The following MAP4K5 variants were observed in gnomAD, a reference collection of about 807,000 sequenced individuals.
The protein encoded by MAP4K5 is MAPK/ERK kinase kinase kinase 5.
MAP4K5 carries 82 observed loss-of-function variants against 135.6 expected under a neutral mutation model. That is an observed-to-expected ratio of 0.60 (90% CI 0.51 to 0.73). The LOEUF is 0.73. Ranked by LOEUF, MAP4K5 falls within the 30% of genes least tolerant of loss-of-function variation. MAP4K5 has a pLI of 0.00. For missense variants in MAP4K5, 907 were observed against 1,010.9 expected, an observed-to-expected ratio of 0.90 and a Z score of 1.39; for synonymous variants, 347 against 335.0, an observed-to-expected ratio of 1.04 and a Z score of -0.39.
chr14:50,468,234 A>C (rs2139836614), intron 10 of MAP4K5, among the ~76,000 whole-genome samples: 1 of 152,324 alleles, frequency 6.6e-6, no homozygotes, highest in Non-Finnish European at 1.5e-5. Context: ...CAATTGATAA[A>C]AGAATGAACA....
chr14:50,521,765 T>C (rs1191179561), intron 2 of MAP4K5, among the ~76,000 whole-genome samples: 2 of 152,222 alleles, frequency 1.3e-5, no homozygotes, highest in African/African-American at 4.8e-5. Context: ...CATGAGAGAT[T>C]ATATTTAACA....
chr14:50,428,674 T>C lies in MAP4K5; in HGVS notation c.2314A>G (p.Ile772Val), dbSNP rs1443527421. ...AAAGGAAACTTACCTACAGATTCAA[T>C]GCGAAAATCAAAACTTAACTCAGAG... ...LASELSFDFR[I>V]ESVVCLQDSV... is the part of the protein sequence containing the mutation. The change falls in exon 30 of 33, where the codon ATT becomes GTT. Residue 772 changes from isoleucine to valine, a missense_variant. By Grantham distance (29) the Ile-to-Val change is conservative. This residue lies in a region of MAP4K5 where 690 missense variants were observed against 777.4 expected (regional missense o/e 0.89). Transcript: ENST00000682126. 1.3e-6 allele frequency: 2 copies of C among 1,511,564 alleles called. No individual in the cohort carries two copies. The highest frequency in any genetic ancestry group is 1.8e-6 in the Non-Finnish European group (2 of 1,130,134). 93.6% of individuals were successfully genotyped at this position (1,511,564 alleles called of 1,614,324 possible).
chr14:50,449,425 A>G (rs2036433348), intron 14 of MAP4K5: 1 of 152,174 alleles, frequency 6.6e-6, no homozygotes, highest in Admixed American at 6.5e-5. Context: ...TTCCTCATAA[A>G]GTATTTAAAA....
At chr14:50,488,429 A>ATGTGCACAGAAGCCTTATATC (rs1350370946) in intron 3 of MAP4K5, among the ~76,000 whole-genome samples, 5 of 152,184 alleles carry the variant, frequency 3.3e-5, no homozygotes, top group African/African-American at 1.2e-4. Context: ...TCACTTTTAA[A>ATGTGCACAGAAGCCTTATATC]TGTGCACAGA....
At chr14:50,515,596 A>C (rs2140066853) in intron 2 of MAP4K5, among the ~76,000 whole-genome samples, 1 of 152,300 alleles carries the variant, frequency 6.6e-6, no homozygotes, top group East Asian at 1.9e-4. Context: ...AATAGCTAAC[A>C]GTTACTAGAA....
At chr14:50,504,709 G>T in intron 3 of MAP4K5, 91 bp downstream of exon 3, 1 of 905,132 alleles carries the variant, frequency 1.1e-6, no homozygotes, top group Non-Finnish European at 1.7e-6. Flanking sequence ...TGACCTGATA[G>T]AACATATAAA....
intron 13 of MAP4K5, among the ~76,000 whole-genome samples, chr14:50,458,208 A>G (rs114070754): frequency 0.015 from 2,334 of 152,192 alleles, 51 homozygotes; most frequent in African/African-American, 0.053. Flanking sequence ...CACCAGCTAC[A>G]CTGCATTATC....
intron 6 of MAP4K5, among the ~76,000 whole-genome samples, chr14:50,478,805 A>AT (rs2037166165): frequency 6.6e-6 from 1 of 151,938 alleles, no homozygotes; most frequent in East Asian, 1.9e-4. Context: ...TTTGAAAGAG[A>AT]TTTTCTCTAG....
chr14:50,442,862 T>C, intron 20 of MAP4K5, 46 bp from the exon 21 acceptor site: 2 of 1,114,162 alleles, frequency 1.8e-6, no homozygotes, highest in Non-Finnish European at 2.6e-6. Context: ...TTAGAAAATT[T>C]TATATATTCT....
At chr14:50,547,894 A>G (rs2038653745) in intron 1 of MAP4K5, among the ~76,000 whole-genome samples, 2 of 152,206 alleles carry the variant, frequency 1.3e-5, no homozygotes, top group African/African-American at 4.8e-5. Context: ...TACCAAAAGG[A>G]TACCTGCACA....
chr14:50,558,352 G>C (rs1438260600), intron 1 of MAP4K5, among the ~76,000 whole-genome samples: 2 of 152,206 alleles, frequency 1.3e-5, no homozygotes, highest in African/African-American at 4.8e-5. Context: ...GAGGGAGACT[G>C]TGTCTGGAAA....
intron 3 of MAP4K5, among the ~76,000 whole-genome samples, chr14:50,493,232 T>A (rs1046594702): frequency 1.3e-5 from 2 of 152,146 alleles, no homozygotes; most frequent in African/African-American, 4.8e-5. Flanking sequence ...CCCAGGTAGC[T>A]GGGACTACAG....
intron 9 of MAP4K5, 76 bp downstream of exon 9, chr14:50,475,001 T>G: frequency 8.3e-7 from 1 of 1,198,742 alleles, no homozygotes; most frequent in South Asian, 1.2e-5. Flanking sequence ...ATTACTTCTA[T>G]TACCAAGTAT....
At chr14:50,555,244 A>G (rs372822293) in intron 1 of MAP4K5, among the ~76,000 whole-genome samples, 7 of 148,410 alleles carry the variant, frequency 4.7e-5, no homozygotes, top group African/African-American at 1.7e-4. Flanking sequence ...GAAGGCATGA[A>G]GAACTTTAGT....
At chr14:50,545,849 C>G (rs1435527287) in intron 1 of MAP4K5, among the ~76,000 whole-genome samples, 1 of 152,198 alleles carries the variant, frequency 6.6e-6, no homozygotes, top group Non-Finnish European at 1.5e-5. Context: ...TATTATGACT[C>G]ATCCTTGTGC....
At chr14:50,481,349 T>C (rs1255969639) in intron 6 of MAP4K5, among the ~76,000 whole-genome samples, 1 of 151,146 alleles carries the variant, frequency 6.6e-6, no homozygotes, top group Non-Finnish European at 1.5e-5. Context: ...TATCTCTCAG[T>C]AAGATTTGGC....
chr14:50,439,995 T>A lies in MAP4K5; in HGVS notation c.1705+18A>T. ...TCTCTGCTTATCTATGGTTTATTTT[T>A]CATCATCACATACATACCTGATAAT... On this transcript the variant is annotated intron_variant, in intron 23 of 32. Transcript: ENST00000682126. 6.7e-7 allele frequency: 1 copy of A among 1,498,324 alleles called. No individual in the cohort carries two copies. The allele number at this position is 1,498,324 out of a possible 1,614,324, so 92.8% of individuals were successfully genotyped here.
At chr14:50,453,693 C>T (rs540181848) in intron 14 of MAP4K5, among the ~76,000 whole-genome samples, 3 of 152,246 alleles carry the variant, frequency 2.0e-5, no homozygotes, top group Admixed American at 6.5e-5. Context: ...AACATACTCC[C>T]GGGTTTACTT....
At chr14:50,460,009 T>A (rs1381141755) in intron 13 of MAP4K5, among the ~76,000 whole-genome samples, 1 of 152,164 alleles carries the variant, frequency 6.6e-6, no homozygotes, top group Non-Finnish European at 1.5e-5. Context: ...AGACTGACTT[T>A]TCTTTAGTTC....
Sources: gnomAD v4.1 joint callset for allele counts (sites outside exome capture counted in the v4.1 genomes callset) on GRCh38, gnomAD v4.1.1 for gene constraint, gnomAD v4.1.1 regional missense constraint, MANE v1.5 for transcripts, NCBI Gene and HGNC (gene_info 2026-07-23, HGNC 2026-07-21) for gene names.